The following PRR16 variants were observed in gnomAD, a reference collection of about 807,000 sequenced individuals.
PRR16 encodes the protein proline rich 16.
In PRR16, 6 loss-of-function variants were observed where a neutral mutation model predicts 18.2. That is an observed-to-expected ratio of 0.33 (90% CI 0.18 to 0.65). The LOEUF is 0.65. Among genes scored for constraint, PRR16 ranks in the 30% least tolerant of loss-of-function variants. The probability of loss-of-function intolerance (pLI) is 0.74; values close to 1 mark genes in which losing one functional copy is unlikely to be tolerated. For synonymous variants in PRR16, 151 were observed against 147.8 expected (o/e 1.02, Z -0.16); for missense variants, 412 against 376.6 (o/e 1.09, Z -0.78).
the PRR16 span, among the ~76,000 whole-genome samples, chr5:120,761,212 A>G: frequency 0.49 from 74,909 of 151,790 alleles, 19,627 homozygotes; most frequent in East Asian, 0.79. Context: ...GGTTCCCTCC[A>G]TATCTTCTGT....
chr5:120,539,872 G>A (rs1751854481), intron 1 of PRR16, among the ~76,000 whole-genome samples: 1 of 152,016 alleles, frequency 6.6e-6, no homozygotes, highest in Admixed American at 6.6e-5. Flanking sequence ...GTTAACATGT[G>A]TAATGGTAGA....
chr5:120,664,699 C>T (rs1756304393), intron 1 of PRR16, among the ~76,000 whole-genome samples: 1 of 151,776 alleles, frequency 6.6e-6, no homozygotes, highest in Non-Finnish European at 1.5e-5. Flanking sequence ...TGAGTGAGAA[C>T]ATGCAGTGTT....
intron 1 of PRR16, among the ~76,000 whole-genome samples, chr5:120,606,682 T>A (rs1218261463): frequency 6.6e-6 from 1 of 152,112 alleles, no homozygotes; most frequent in African/African-American, 2.4e-5. Context: ...ATGGGAGAAT[T>A]ACTTGAGACC....
rs561464187 is a variant in PRR16, at chr5:120,682,046, A to G, written c.160-3908A>G. 2.0e-5 allele frequency among the ~76,000 whole-genome samples: 3 copies of G among 152,210 alleles called. No individual in the cohort carries two copies. The South Asian group carries it at 6.2e-4, about 32-fold the overall frequency. On this transcript the variant is annotated intron_variant, in intron 1 of 1. Coordinates refer to ENST00000407149, the MANE Select transcript of PRR16 (RefSeq NM_001300783.2). The stretch of plus-strand genomic sequence containing the variant: ...ACTTCTGCAACTCTTTAAAAGAAAA[A>G]TATGTGGTACTTTATCATATCATCT...
chr5:120,701,279 G>A, the PRR16 span, among the ~76,000 whole-genome samples: 6 of 152,136 alleles, frequency 3.9e-5, no homozygotes, highest in African/African-American at 1.4e-4. Context: ...AATGTCGGGA[G>A]CAGATTGGGT....
intron 1 of PRR16, among the ~76,000 whole-genome samples, chr5:120,514,331 C>T (rs1750921203): frequency 6.6e-6 from 1 of 152,104 alleles, no homozygotes; most frequent in African/African-American, 2.4e-5. Context: ...TGGCTTCCTA[C>T]CATCCATATT....
rs115171548 is a variant in PRR16 at position 120,578,899 on chromosome 5, G to A, written c.160-107055G>A. 7.7e-3 allele frequency among the ~76,000 whole-genome samples: 1,164 copies of A among 151,840 alleles called. 8 individuals carry two copies. Among genetic ancestry groups the A allele is most frequent in the Non-Finnish European group, 0.013 (849 of 67,868 alleles). On this transcript the variant is annotated intron_variant, in intron 1 of 1. Coordinates refer to ENST00000407149, the MANE Select transcript of PRR16 (RefSeq NM_001300783.2). ...AGTGTTCCTATTTCTCCGCACCCTC[G>A]CCAGCATCTATTATTGTTTCCTGAC...
chr5:120,752,351 T>A, the PRR16 span, among the ~76,000 whole-genome samples: 3 of 152,026 alleles, frequency 2.0e-5, no homozygotes, highest in Middle Eastern at 3.2e-3. Flanking sequence ...AATGCGGGCC[T>A]GAGGAAAGCG....
chr5:120,594,940 A>G (rs1307184858), intron 1 of PRR16, among the ~76,000 whole-genome samples: 1 of 152,116 alleles, frequency 6.6e-6, no homozygotes, highest in East Asian at 1.9e-4. Context: ...TCCTTACACC[A>G]TATACAAAAA....
At chr5:120,758,006 A>G in the PRR16 span, among the ~76,000 whole-genome samples, 1 of 128,856 alleles carries the variant, frequency 7.8e-6, no homozygotes, top group Admixed American at 8.8e-5. Context: ...ACTATTTTTA[A>G]TATGGCTACT....
intron 1 of PRR16, among the ~76,000 whole-genome samples, chr5:120,536,774 A>T (rs1405560792): frequency 6.6e-6 from 1 of 152,244 alleles, no homozygotes. Context: ...AATGTTTTTA[A>T]TCTGAGCAAT....
chr5:120,595,792 T>C (rs2112782083), intron 1 of PRR16, among the ~76,000 whole-genome samples: 1 of 152,160 alleles, frequency 6.6e-6, no homozygotes, highest in Admixed American at 6.6e-5. Context: ...CTTTTTCATG[T>C]AAATACTTTG....
chr5:120,532,349 A>T (rs1401811480), intron 1 of PRR16, among the ~76,000 whole-genome samples: 1 of 152,150 alleles, frequency 6.6e-6, no homozygotes, highest in Non-Finnish European at 1.5e-5. Context: ...CCTTGAATTT[A>T]CATAGTAGTC....
At chr5:120,583,558 T>A (rs569891242) in intron 1 of PRR16, among the ~76,000 whole-genome samples, 8 of 152,328 alleles carry the variant, frequency 5.3e-5, no homozygotes, top group African/African-American at 1.9e-4. Context: ...ATTTTCTTTA[T>A]GGACCATGAC....
At chr5:120,675,598 G>C (rs1756768603) in intron 1 of PRR16, among the ~76,000 whole-genome samples, 1 of 152,002 alleles carries the variant, frequency 6.6e-6, no homozygotes, top group Non-Finnish European at 1.5e-5. Context: ...ACTTTTCTCT[G>C]AAAGTTTTCT....
At position 120,523,896 on chromosome 5, in the gene PRR16, G is replaced by C. The variant is rs559868885; in HGVS notation, c.159+59251G>C. 6.0e-4 allele frequency among the ~76,000 whole-genome samples: 91 copies of C among 152,214 alleles called. 2 individuals carry two copies. The South Asian group carries it at 0.018, about 30-fold the overall frequency. On this transcript the variant is annotated intron_variant, in intron 1 of 1. Coordinates refer to ENST00000407149, the MANE Select transcript of PRR16 (RefSeq NM_001300783.2). ...AGAAGAAATAGATAATTCAACCCAA[G>C]AGAAATATACAGAATTAATATTTGA... is the stretch of plus-strand genomic sequence containing the variant.
At chr5:120,471,256 G>A (rs927363311) in intron 1 of PRR16, among the ~76,000 whole-genome samples, 4 of 152,108 alleles carry the variant, frequency 2.6e-5, no homozygotes, top group East Asian at 1.9e-4. Flanking sequence ...CAACAAAAAT[G>A]TTGATAAGAA....
intron 1 of PRR16, among the ~76,000 whole-genome samples, chr5:120,635,398 G>T (rs187827880): frequency 1.6e-4 from 24 of 152,006 alleles, no homozygotes; most frequent in Admixed American, 1.5e-3. Flanking sequence ...ATCCAACAGC[G>T]TATCAAAAAG....
chr5:120,514,908 T>C (rs1329364300), intron 1 of PRR16, among the ~76,000 whole-genome samples: 1 of 152,234 alleles, frequency 6.6e-6, no homozygotes, highest in Non-Finnish European at 1.5e-5. Context: ...TTCCAATTTG[T>C]ATCTGTTACC....
Sources: gnomAD v4.1 joint callset for allele counts (sites outside exome capture counted in the v4.1 genomes callset) on GRCh38, gnomAD v4.1.1 for gene constraint, MANE v1.5 for transcripts, NCBI Gene and HGNC (gene_info 2026-07-23, HGNC 2026-07-21) for gene names.